DMD: variants seen among roughly 807,000 people sequenced by gnomAD.
The protein encoded by DMD is mutant dystrophin.
Under a neutral mutation model 330.1 loss-of-function variants are expected in DMD, and 63 were observed. That is an observed-to-expected ratio of 0.19 (90% CI 0.16 to 0.24). The LOEUF (loss-of-function observed/expected upper bound fraction) is 0.24. Ranked by LOEUF, DMD falls within the 10% of genes least tolerant of loss-of-function variation. The pLI is 1.00. For missense variants in DMD, 3,344 were observed against 2,684.1 expected, an observed-to-expected ratio of 1.25 and a Z score of -5.43; for synonymous variants, 1,223 against 959.8, an observed-to-expected ratio of 1.27 and a Z score of -5.07.
At chrX:31,625,650 C>T (rs1222199314) in intron 55 of DMD, among the ~76,000 whole-genome samples, 1 of 111,885 alleles carries the variant, frequency 8.9e-6, no homozygotes, top group Admixed American at 9.5e-5. Context: ...TTCCATGCTT[C>T]CATAGTAAAT....
chrX:32,310,094 C>T lies in DMD; in HGVS notation c.6105G>A (p.Glu2035=). The change falls in exon 42 of 79, where the codon GAG becomes GAA. Residue 2035 remains glutamate (E), a synonymous_variant. Transcript: ENST00000357033. The part of the protein sequence containing the change: ...AKDFEDLFKQ[E]ESLKNIKDSL... ...GCTTTGGTTTTACCTTCAGAGACTC[C>T]TCTTGCTTAAAGAGATCTTCAAAGT... 1 of 1,208,499 alleles carries T rather than the reference C, an allele frequency of 8.3e-7. No homozygotes were observed. The highest frequency in any genetic ancestry group is 1.1e-6 in the Non-Finnish European group (1 of 893,290).
At chrX:31,146,186 T>C in intron 76 of DMD, 105 bp downstream of exon 76, 1 of 995,224 alleles carries the variant, frequency 1.0e-6, no homozygotes, top group Non-Finnish European at 1.4e-6. Flanking sequence ...AGTGGCTCCC[T>C]GATACCAAGA....
intron 62 of DMD, among the ~76,000 whole-genome samples, chrX:31,286,149 C>T (rs1402117968): frequency 8.9e-6 from 1 of 112,083 alleles, no homozygotes; most frequent in Admixed American, 9.5e-5. Flanking sequence ...ACCAATATTC[C>T]CAGCCGCTTG....
rs1350071861 is a variant in DMD, at chrX:32,265,985, G to A, written c.6290+21544C>T. Among the ~76,000 whole-genome samples, 5 of 111,688 alleles carry A rather than the reference G, an allele frequency of 4.5e-5. No individual in the cohort carries two copies. In the East Asian group the frequency reaches 1.4e-3, roughly 32 times the overall value. The stretch of plus-strand genomic sequence containing the variant: ...GAGTGACTGTTGGGAAGGCATTATT[G>A]TGTTTTGAAATGTGAAGACGTGCCA... On this transcript the variant is annotated intron_variant, in intron 43 of 78. Coordinates refer to ENST00000357033, the MANE Select transcript of DMD (RefSeq NM_004006.3).
intron 44 of DMD, among the ~76,000 whole-genome samples, chrX:32,074,648 T>C (rs1328959675): frequency 8.9e-6 from 1 of 112,123 alleles, no homozygotes; most frequent in African/African-American, 3.2e-5. Flanking sequence ...GCTTTCATAC[T>C]ACAACAGCGT....
intron 67 of DMD, among the ~76,000 whole-genome samples, chrX:31,201,302 G>C (rs1051571905): frequency 8.9e-6 from 1 of 112,298 alleles, no homozygotes; most frequent in Non-Finnish European, 1.9e-5. Context: ...TGAGCCCAGA[G>C]GTCGAGGCTG....
At chrX:32,730,396 A>T (rs1198505901) in intron 7 of DMD, among the ~76,000 whole-genome samples, 1 of 112,075 alleles carries the variant, frequency 8.9e-6, no homozygotes, top group Non-Finnish European at 1.9e-5. Context: ...TAGATATGTG[A>T]TCCAATCCAT....
chrX:32,914,298 T>A (rs1193123277), intron 2 of DMD, among the ~76,000 whole-genome samples: 1 of 111,634 alleles, frequency 9.0e-6, no homozygotes, highest in East Asian at 2.8e-4. Context: ...GTGGAAAGAC[T>A]TTAAAACAGC....
intron 44 of DMD, among the ~76,000 whole-genome samples, chrX:32,022,895 C>T (rs1050817417): frequency 2.8e-5 from 3 of 105,570 alleles, no homozygotes; most frequent in Non-Finnish European, 3.9e-5. Flanking sequence ...TGCAATGGCA[C>T]GATCTCGGCT....
chrX:32,698,997 T>C, intron 8 of DMD, 115 bp downstream of exon 8: 1 of 659,561 alleles, frequency 1.5e-6, no homozygotes, highest in Non-Finnish European at 2.4e-6. Flanking sequence ...CATTAGGCTT[T>C]GTATATATAC....
intron 62 of DMD, among the ~76,000 whole-genome samples, chrX:31,306,048 T>C (rs1987294806): frequency 8.9e-6 from 1 of 112,103 alleles, no homozygotes; most frequent in African/African-American, 3.2e-5. Flanking sequence ...TCAGAGGAAG[T>C]CCCAGGTAGC....
intron 52 of DMD, among the ~76,000 whole-genome samples, chrX:31,695,373 G>A (rs1262649561): frequency 9.1e-6 from 1 of 110,107 alleles, no homozygotes; most frequent in Non-Finnish European, 1.9e-5. Context: ...GCAACAGGGG[G>A]ACTATAGTCA....
intron 63 of DMD, among the ~76,000 whole-genome samples, chrX:31,244,009 A>G (rs904536706): frequency 8.9e-6 from 1 of 112,819 alleles, no homozygotes; most frequent in African/African-American, 3.2e-5. Context: ...AACCTTGAAA[A>G]GAACATGGGA....
chrX:32,447,806 G>A (rs751232290), intron 27 of DMD, among the ~76,000 whole-genome samples: 1 of 111,601 alleles, frequency 9.0e-6, no homozygotes, highest in Non-Finnish European at 1.9e-5. Flanking sequence ...TATTTTTGAT[G>A]CAATTACATG....
In DMD at chrX:31,340,182, G is replaced by C. The variant is rs147637886; in HGVS notation, c.9163+8374C>G. Among the ~76,000 whole-genome samples, 204 of 112,304 alleles carry C rather than the reference G, an allele frequency of 1.8e-3. 1 individual carries two copies. The highest frequency in any genetic ancestry group is 6.3e-3 in the African/African-American group (194 of 31,003). On this transcript the variant is annotated intron_variant, in intron 61 of 78. Coordinates refer to ENST00000357033, the MANE Select transcript of DMD (RefSeq NM_004006.3). ...CAAGAGAGAAAAAGACTTAACCAGG[G>C]ATATGATTAAGGCAGTTAAGATTGT...
intron 67 of DMD, among the ~76,000 whole-genome samples, chrX:31,191,147 A>C (rs1193124581): frequency 1.8e-5 from 2 of 111,694 alleles, no homozygotes; most frequent in African/African-American, 6.5e-5. Context: ...CATGGCAGAT[A>C]ATTATCCCAA....
chrX:33,080,595 G>A (rs2094912990), intron 1 of DMD, among the ~76,000 whole-genome samples: 1 of 111,584 alleles, frequency 9.0e-6, no homozygotes, highest in South Asian at 3.7e-4. Flanking sequence ...TAGGGATGGA[G>A]CCTAGGACAT....
At chrX:32,671,056 G>A (rs2061603347) in intron 9 of DMD, among the ~76,000 whole-genome samples, 1 of 110,468 alleles carries the variant, frequency 9.1e-6, no homozygotes, top group African/African-American at 3.3e-5. Flanking sequence ...AGTTTATGTT[G>A]GAACACAATT....
intron 51 of DMD, among the ~76,000 whole-genome samples, chrX:31,771,415 A>T (rs985455964): frequency 1.8e-5 from 2 of 109,738 alleles, no homozygotes; most frequent in African/African-American, 6.6e-5. Flanking sequence ...TGCTATATAT[A>T]CTATTTTAAA....
Sources: allele counts gnomAD v4.1 joint callset (sites outside exome capture counted in the v4.1 genomes callset), GRCh38; gene constraint gnomAD v4.1.1; transcripts MANE v1.5; gene names NCBI Gene and HGNC (gene_info 2026-07-23, HGNC 2026-07-21).